PALS1: variants seen among roughly 807,000 people sequenced by gnomAD.
PALS1 encodes protein PALS1.
Under a neutral mutation model 78.9 loss-of-function variants are expected in PALS1, and 31 were observed. The observed-to-expected ratio is 0.39, with a 90% confidence interval of 0.30 to 0.53. The LOEUF (loss-of-function observed/expected upper bound fraction) is 0.53, where lower values mean the gene tolerates loss of function less well. PALS1 is among the 20% of genes least tolerant of loss of function. The probability of loss-of-function intolerance (pLI) is 0.67; values close to 1 mark genes in which losing one functional copy is unlikely to be tolerated. For missense variants in PALS1, 704 were observed against 826.5 expected (o/e 0.85, Z 1.82); for synonymous variants, 276 against 270.9 (o/e 1.02, Z -0.18).
rs568040080 is a variant in PALS1 at position 67,244,416 on chromosome 14, G to C, written c.-237+2883G>C. On this transcript the variant is annotated intron_variant, in intron 1 of 14. Transcript: ENST00000261681. ...CACATTCTTGCCCACACTGGGCATC[G>C]TAAGATTTTAAAATTTTTGCTAATC... Among the ~76,000 whole-genome samples, 20 of 152,294 alleles carry C rather than the reference G, an allele frequency of 1.3e-4. No individual in the cohort carries two copies. The East Asian group carries it at 1.5e-3, about 12-fold the overall frequency.
At chr14:67,255,398 G>A (rs1468306818) in intron 1 of PALS1, among the ~76,000 whole-genome samples, 2 of 152,076 alleles carry the variant, frequency 1.3e-5, no homozygotes, top group Non-Finnish European at 2.9e-5. Flanking sequence ...AGTGTTAGAG[G>A]TCTTTTTTGG....
intron 11 of PALS1, among the ~76,000 whole-genome samples, chr14:67,317,812 C>G (rs2085200622): frequency 6.6e-6 from 1 of 152,172 alleles, no homozygotes; most frequent in East Asian, 1.9e-4. Flanking sequence ...GTCACAGAAG[C>G]AACTCATTCC....
At chr14:67,300,336 C>CTTTTTTTTTTTTTTTTTTTTTTT (rs36091817) in intron 4 of PALS1, among the ~76,000 whole-genome samples, 6 of 139,092 alleles carry the variant, frequency 4.3e-5, no homozygotes, top group African/African-American at 8.4e-5. Flanking sequence ...TATGAATTAC[C>CTTTTTTTTTTTTTTTTTTTTTTT]TTTTTTTTTT....
Position 67,310,755 on chromosome 14 carries a change from G to A in PALS1, c.1042-1772G>A, listed in dbSNP as rs1463552796. Among the ~76,000 whole-genome samples, 6 of 152,240 alleles carry A rather than the reference G, an allele frequency of 3.9e-5. No homozygotes were observed. In the East Asian group the frequency reaches 7.7e-4, roughly 20 times the overall value. Reference sequence around the variant, plus strand: ...TCAGCTTTATTTCCTATTTATAGAAGTTAATAAAATATTCTTTGAAATTAA... The same window carrying A: ...TCAGCTTTATTTCCTATTTATAGAAATTAATAAAATATTCTTTGAAATTAA... On this transcript the variant is annotated intron_variant, in intron 8 of 14. Coordinates refer to ENST00000261681, the MANE Select transcript of PALS1 (RefSeq NM_022474.4).
At chr14:67,247,773 T>A (rs989672138) in intron 1 of PALS1, among the ~76,000 whole-genome samples, 1 of 152,060 alleles carries the variant, frequency 6.6e-6, no homozygotes, top group African/African-American at 2.4e-5. Flanking sequence ...GAGACAGGGC[T>A]TCACCATGTT....
At chr14:67,303,794 A>C (rs1457509518) in intron 8 of PALS1, among the ~76,000 whole-genome samples, 195 bp downstream of exon 8, 1 of 151,118 alleles carries the variant, frequency 6.6e-6, no homozygotes, top group Non-Finnish European at 1.5e-5. Context: ...GGAAGATGGA[A>C]TCTCCATCTG....
At chr14:67,286,771 C>T (rs909122760) in intron 3 of PALS1, among the ~76,000 whole-genome samples, 1 of 147,400 alleles carries the variant, frequency 6.8e-6, no homozygotes, top group African/African-American at 2.5e-5. Context: ...GTGGGAGGAT[C>T]GCTGGAACCT....
chr14:67,324,100 A>G (rs1016112551), intron 14 of PALS1, among the ~76,000 whole-genome samples: 3 of 152,142 alleles, frequency 2.0e-5, no homozygotes, highest in South Asian at 2.1e-4. Context: ...ACTCTTCAGG[A>G]TTACTGACTT....
intron 14 of PALS1, among the ~76,000 whole-genome samples, chr14:67,330,664 G>A (rs1377764778): frequency 6.6e-6 from 1 of 152,032 alleles, no homozygotes. Context: ...CTCCATGTTG[G>A]TCAGGCTGGT....
rs767082975 is a variant in PALS1 at position 67,279,161 on chromosome 14, A to G, written c.-10A>G. 1.3e-6 allele frequency: 2 copies of G among 1,556,588 alleles called. No individual in the cohort carries two copies. The highest frequency in any genetic ancestry group is 1.7e-6 in the Non-Finnish European group (2 of 1,154,954). ...TTTATAAAAAGTGGTACAGGTTTTC[A>G]TAGATAACCATGACAACATCCCATA... On this transcript the variant is annotated 5_prime_UTR_variant, in exon 3 of 15. Coordinates refer to ENST00000261681, the MANE Select transcript of PALS1 (RefSeq NM_022474.4).
intron 8 of PALS1, 72 bp from the exon 9 acceptor site, chr14:67,312,455 C>A: frequency 9.3e-7 from 1 of 1,078,108 alleles, no homozygotes; most frequent in South Asian, 2.6e-5. Flanking sequence ...AAATTTGTAG[C>A]ATTTAAATTG....
chr14:67,270,154 T>G (rs2084387170), intron 2 of PALS1: 1 of 152,250 alleles, frequency 6.6e-6, no homozygotes, highest in East Asian at 1.9e-4. Flanking sequence ...AGTGGGTCTG[T>G]ACCCTTTAGG....
chr14:67,326,461 T>C (rs1483169554), intron 14 of PALS1, among the ~76,000 whole-genome samples: 2 of 152,074 alleles, frequency 1.3e-5, no homozygotes, highest in Admixed American at 1.3e-4. Context: ...ATTAGAACTT[T>C]CTGATTCTTT....
intron 4 of PALS1, among the ~76,000 whole-genome samples, chr14:67,295,253 G>A (rs1029947082): frequency 1.3e-5 from 2 of 151,832 alleles, no homozygotes; most frequent in African/African-American, 4.8e-5. Context: ...GGGAGGCCAA[G>A]GCGGGTGGAT....
rs1478544571 is a variant in PALS1 at position 67,279,366 on chromosome 14, A to G, written c.196A>G (p.Met66Val). ...GCGTATTCGGCAACAACAGGAGGAC[A>G]TGAGGCGTAGGAGAGAGGAAGAAGG... ...LERIRQQQED[M>V]RRRREEEGKK... is the part of the protein sequence containing the mutation. The change falls in exon 3 of 15, where the codon ATG (methionine) becomes GTG (valine). Residue 66 changes from methionine (M) to valine (V), a missense_variant. Coordinates refer to ENST00000261681, the MANE Select transcript of PALS1 (RefSeq NM_022474.4). The G allele has an allele frequency of 6.2e-7, 1 of 1,614,028 alleles. No individual in the cohort carries two copies. The highest frequency in any genetic ancestry group is 8.5e-7 in the Non-Finnish European group (1 of 1,179,984).
At chr14:67,260,839 C>T (rs535428706) in intron 1 of PALS1, among the ~76,000 whole-genome samples, 5 of 151,978 alleles carry the variant, frequency 3.3e-5, no homozygotes, top group Non-Finnish European at 5.9e-5. Context: ...TTGCAGGGCT[C>T]ATATGGGAAA....
chr14:67,283,458 C>T (rs1358143356), intron 3 of PALS1, among the ~76,000 whole-genome samples: 2 of 152,178 alleles, frequency 1.3e-5, no homozygotes, highest in Non-Finnish European at 2.9e-5. Context: ...TTCAAGCCAA[C>T]AGACAAAATC....
Position 67,330,062 on chromosome 14 carries a change from G to C in PALS1, c.1852-2718G>C, listed in dbSNP as rs75185625. Among the ~76,000 whole-genome samples the C allele has an allele frequency of 5.4e-3, 817 of 150,016 alleles. 5 individuals carry two copies. Among genetic ancestry groups the C allele is most frequent in the Admixed American group, 0.01 (151 of 15,050 alleles). On this transcript the variant is annotated intron_variant, in intron 14 of 14. Transcript: ENST00000261681. ...CAGAAAATCATCTATATTGTGGTAA[G>C]AGAGAATATATGCCAGACAAATGCT...
intron 1 of PALS1, among the ~76,000 whole-genome samples, chr14:67,244,393 C>T (rs2083954370): frequency 6.6e-6 from 1 of 152,086 alleles, no homozygotes; most frequent in Admixed American, 6.6e-5. Flanking sequence ...AGTGGCTTCA[C>T]ATTCTTGCCC....
Sources: allele counts gnomAD v4.1 joint callset (sites outside exome capture counted in the v4.1 genomes callset), GRCh38; gene constraint gnomAD v4.1.1; transcripts MANE v1.5; gene names NCBI Gene and HGNC (gene_info 2026-07-23, HGNC 2026-07-21).